NUCKS1: variants seen among roughly 807,000 people sequenced by gnomAD.
NUCKS1 encodes nuclear ubiquitous casein and cyclin-dependent kinase substrate 1.
NUCKS1 carries 2 observed loss-of-function variants against 33.0 expected under a neutral mutation model. That is an observed-to-expected ratio of 0.06 (90% CI 0.02 to 0.19). The LOEUF (loss-of-function observed/expected upper bound fraction) is 0.19. Among genes scored for constraint, NUCKS1 ranks in the 10% least tolerant of loss-of-function variants. The pLI is 1.00. For synonymous variants in NUCKS1, 106 were observed against 102.8 expected (o/e 1.03, Z -0.19); for missense variants, 201 against 293.6 (o/e 0.68, Z 2.31).
intron 1 of NUCKS1, among the ~76,000 whole-genome samples, chr1:205,730,387 T>C (rs1653879191): frequency 6.6e-6 from 1 of 152,092 alleles, no homozygotes; most frequent in Admixed American, 6.6e-5. Flanking sequence ...GCCTAAGTAC[T>C]TAACATTCTG....
chr1:205,732,921 G>A (rs1198548324), intron 1 of NUCKS1, among the ~76,000 whole-genome samples: 3 of 151,718 alleles, frequency 2.0e-5, no homozygotes, highest in Admixed American at 2.0e-4. Flanking sequence ...GCCATGTTCT[G>A]GCAAAACAGT....
chr1:205,728,460 T>C (rs1653828955), intron 2 of NUCKS1, among the ~76,000 whole-genome samples: 1 of 152,168 alleles, frequency 6.6e-6, no homozygotes, highest in Non-Finnish European at 1.5e-5. Context: ...TTCAAATACC[T>C]TTTATTAACA....
At chr1:205,733,673 T>C (rs966515137) in intron 1 of NUCKS1, among the ~76,000 whole-genome samples, 1 of 151,826 alleles carries the variant, frequency 6.6e-6, no homozygotes, top group Admixed American at 6.6e-5. Context: ...GCAGGCATTA[T>C]ATTAAAATAT....
chr1:205,741,026 G>A (rs900947557), intron 1 of NUCKS1, among the ~76,000 whole-genome samples: 1 of 151,596 alleles, frequency 6.6e-6, no homozygotes, highest in African/African-American at 2.4e-5. Context: ...ACACGGCCGG[G>A]CGCGGTGGCT....
rs534765525 is a variant in NUCKS1 at position 205,749,790 on chromosome 1, G to A, written c.17+167C>T. Among the ~76,000 whole-genome samples, 8 of 151,208 alleles carry A rather than the reference G, an allele frequency of 5.3e-5. No individual in the cohort carries two copies. In the East Asian group the frequency reaches 1.6e-3, roughly 30 times the overall value. On this transcript the variant is annotated intron_variant, in intron 1 of 6. Coordinates refer to ENST00000367142, the MANE Select transcript of NUCKS1 (RefSeq NM_022731.5). Reference sequence around the variant, plus strand: ...GCACGGGCGCGCAGCCACCACCCCCGCGCGCCAGCAGGGCCCCCCACGCTC... The same window carrying A: ...GCACGGGCGCGCAGCCACCACCCCCACGCGCCAGCAGGGCCCCCCACGCTC...
intron 1 of NUCKS1, among the ~76,000 whole-genome samples, chr1:205,748,289 C>T (rs1297456244): frequency 6.6e-6 from 1 of 152,122 alleles, no homozygotes; most frequent in East Asian, 1.9e-4. Flanking sequence ...GTCATCAAAA[C>T]TTAGTGAACT....
At chr1:205,732,519 A>T (rs1018135802) in intron 1 of NUCKS1, among the ~76,000 whole-genome samples, 1 of 152,202 alleles carries the variant, frequency 6.6e-6, no homozygotes, top group African/African-American at 2.4e-5. Context: ...ACAGTGGCTC[A>T]TGCCTGTAAT....
chr1:205,727,938 A>G, intron 2 of NUCKS1, 133 bp from the exon 3 acceptor site: 1 of 680,470 alleles, frequency 1.5e-6, no homozygotes, highest in Non-Finnish European at 2.4e-6. Flanking sequence ...AGTTTCTTTC[A>G]TCTTTAAAAA....
chr1:205,719,226 C>A (rs1671879982), intron 6 of NUCKS1, among the ~76,000 whole-genome samples: 1 of 152,162 alleles, frequency 6.6e-6, no homozygotes, highest in Admixed American at 6.5e-5. Context: ...AGAGCAGTAA[C>A]AACTATGATG....
At chr1:205,720,705 C>T in intron 4 of NUCKS1, 52 bp from the exon 5 acceptor site, 4 of 1,502,110 alleles carry the variant, frequency 2.7e-6, no homozygotes, top group Non-Finnish European at 3.6e-6. Flanking sequence ...TTATATTTGA[C>T]AAGATAGTGC....
intron 1 of NUCKS1, among the ~76,000 whole-genome samples, chr1:205,741,297 C>CAAAAAAAAAAAAA (rs56979923): frequency 6.0e-4 from 47 of 78,852 alleles, no homozygotes; most frequent in Middle Eastern, 7.6e-3. Context: ...GAGACTGTCT[C>CAAAAAAAAAAAAA]AAAAAAAAAA....
chr1:205,749,328 T>C (rs768442842), intron 1 of NUCKS1, among the ~76,000 whole-genome samples: 1 of 152,188 alleles, frequency 6.6e-6, no homozygotes, highest in Non-Finnish European at 1.5e-5. Context: ...CTCTCACTTT[T>C]GCCCGGGGGG....
At chr1:205,736,913 A>T (rs532278973) in intron 1 of NUCKS1, among the ~76,000 whole-genome samples, 73 of 152,038 alleles carry the variant, frequency 4.8e-4, no homozygotes, top group Middle Eastern at 3.4e-3. Context: ...CACTGGTTCT[A>T]TCTAGTTCCA....
chr1:205,750,152 C>G lies in NUCKS1; in HGVS notation c.-179G>C. ...GTTCAGGGCTCCTGGAACAGACGAG[C>G]CCCCCGCTCCCCCGTCTCTTCAAAA... On this transcript the variant is annotated 5_prime_UTR_variant, in exon 1 of 7. Coordinates refer to ENST00000367142, the MANE Select transcript of NUCKS1 (RefSeq NM_022731.5). The G allele has an allele frequency of 4.7e-6, 3 of 642,810 alleles. No homozygotes were observed. The highest frequency in any genetic ancestry group is 5.5e-6 in the Non-Finnish European group (2 of 365,492). 39.8% of individuals were successfully genotyped at this position (642,810 alleles called of 1,614,324 possible).
At chr1:205,741,060 A>C (rs1654155144) in intron 1 of NUCKS1, among the ~76,000 whole-genome samples, 1 of 151,584 alleles carries the variant, frequency 6.6e-6, no homozygotes, top group Non-Finnish European at 1.5e-5. Context: ...CCGCCTCAGG[A>C]GGCCGAGGCG....
chr1:205,746,787 A>G (rs908327162), intron 1 of NUCKS1, among the ~76,000 whole-genome samples: 5 of 152,226 alleles, frequency 3.3e-5, no homozygotes, highest in South Asian at 2.1e-4. Flanking sequence ...AACTTGTAAG[A>G]GCTTATGTTT....
In NUCKS1 at chr1:205,750,020, C is replaced by CA; in HGVS notation, c.-48_-47insT. 1.9e-6 allele frequency: 2 copies of CA among 1,043,044 alleles called. No individual in the cohort carries two copies. The highest frequency in any genetic ancestry group is 2.2e-5 in the Admixed American group (1 of 45,754). 64.6% of individuals were successfully genotyped at this position (1,043,044 alleles called of 1,614,324 possible). ...GAGTCGAGAAGCCAAAGACCAGGAC[C>CA]CCCCCCACCCCGCGCGCTCGGCGCC... On this transcript the variant is annotated 5_prime_UTR_variant, in exon 1 of 7. Transcript: ENST00000367142.
chr1:205,724,025 C>A, intron 3 of NUCKS1, 44 bp from the exon 4 acceptor site: 1 of 1,387,878 alleles, frequency 7.2e-7, no homozygotes, highest in South Asian at 1.2e-5. Context: ...AGTCTTAGCT[C>A]AAAATCTAAG....
In NUCKS1 at chr1:205,714,602, T is replaced by C. The variant is rs1671793398; in HGVS notation, c.*3678A>G. 1.3e-5 allele frequency: 2 copies of C among 152,352 alleles called. No individual in the cohort carries two copies. The highest frequency in any genetic ancestry group is 2.4e-5 in the African/African-American group (1 of 41,590). 9.4% of individuals were successfully genotyped at this position (152,352 alleles called of 1,614,324 possible). A position where few individuals can be genotyped will look rare whatever the true frequency, so the allele number is the denominator to read the frequency against. On this transcript the variant is annotated 3_prime_UTR_variant, in exon 7 of 7. Transcript: ENST00000367142. ...ACTGGTTGCGACTGAAACTTGGCTA[T>C]AGATAGCTTGATGTCCCAATATTCA...
Sources: gnomAD v4.1 joint callset for allele counts (sites outside exome capture counted in the v4.1 genomes callset) on GRCh38, gnomAD v4.1.1 for gene constraint, MANE v1.5 for transcripts, NCBI Gene and HGNC (gene_info 2026-07-23, HGNC 2026-07-21) for gene names.